DST: variants seen among roughly 807,000 people sequenced by gnomAD.
The protein encoded by DST is bullous pemphigoid antigen.
In DST, 253 loss-of-function variants were observed where a neutral mutation model predicts 875.2. That is an observed-to-expected ratio of 0.29 (90% CI 0.26 to 0.32). DST has a LOEUF of 0.32. DST is among the 10% of genes least tolerant of loss of function. DST has a pLI of 1.00. For missense variants in DST, 8,287 were observed against 9,111.6 expected, an observed-to-expected ratio of 0.91 and a Z score of 3.68; for synonymous variants, 3,124 against 3,197.1, an observed-to-expected ratio of 0.98 and a Z score of 0.77.
chr6:56,659,224 G>C (rs1478729408), intron 10 of DST, among the ~76,000 whole-genome samples: 1 of 152,182 alleles, frequency 6.6e-6, no homozygotes, highest in African/African-American at 2.4e-5. Context: ...GAGATATTGA[G>C]AAAGTCAAAT....
At position 56,606,509 on chromosome 6, in the gene DST, G is replaced by A; in HGVS notation, c.8119C>T (p.His2707Tyr). Reference sequence around the variant, plus strand: ...TTATCTGAGCCAACAGGATTTAAATGTATTTTTTCACCAGAATCTAATTCA... The same window carrying A: ...TTATCTGAGCCAACAGGATTTAAATATATTTTTTCACCAGAATCTAATTCA... ...KDELDSGEKI[H>Y]LNPVGSDKVN... The change falls in exon 40 of 104, where the codon CAT becomes TAT. Residue 2707 changes from histidine to tyrosine, a missense_variant. Coordinates refer to ENST00000680361, the MANE Select transcript of DST (RefSeq NM_001374736.1). The A allele has an allele frequency of 6.2e-7, 1 of 1,613,312 alleles. No homozygotes were observed. The highest frequency in any genetic ancestry group is 8.5e-7 in the Non-Finnish European group (1 of 1,179,504).
chr6:56,874,915 C>G (rs1778963647), intron 3 of DST, among the ~76,000 whole-genome samples: 1 of 152,210 alleles, frequency 6.6e-6, no homozygotes, highest in Admixed American at 6.5e-5. Context: ...TTCAATCGCA[C>G]ACAAACACAT....
intron 2 of DST, among the ~76,000 whole-genome samples, chr6:56,930,673 TG>T: frequency 6.6e-6 from 1 of 152,316 alleles, no homozygotes; most frequent in African/African-American, 2.4e-5. Flanking sequence ...TATCTTTATC[TG>T]AAGTGAATTG....
At chr6:56,682,325 A>T (rs188328966) in intron 9 of DST, among the ~76,000 whole-genome samples, 1 of 152,238 alleles carries the variant, frequency 6.6e-6, no homozygotes, top group East Asian at 1.9e-4. Flanking sequence ...GGCATGAGGC[A>T]CCGTACCTGG....
intron 5 of DST, among the ~76,000 whole-genome samples, chr6:56,733,667 A>G (rs1267714964): frequency 6.6e-6 from 1 of 152,212 alleles, no homozygotes; most frequent in Non-Finnish European, 1.5e-5. Flanking sequence ...TGTTTGGTGT[A>G]CATGTCACAG....
intron 2 of DST, among the ~76,000 whole-genome samples, chr6:56,941,459 G>A (rs2127787323): frequency 6.6e-6 from 1 of 152,136 alleles, no homozygotes; most frequent in South Asian, 2.1e-4. Context: ...AATGAGTCAT[G>A]TAAGTATGGT....
At chr6:56,916,942 T>C (rs1050529620) in intron 2 of DST, among the ~76,000 whole-genome samples, 1 of 128,902 alleles carries the variant, frequency 7.8e-6, no homozygotes, top group Non-Finnish European at 1.5e-5. Context: ...TGGGCCCCCA[T>C]GAAATGGATG....
intron 36 of DST, 85 bp downstream of exon 36, chr6:56,624,445 A>T (rs774212135): frequency 1.2e-6 from 1 of 848,030 alleles, no homozygotes; most frequent in East Asian, 2.4e-5. Context: ...ATCATGAAAC[A>T]TGTTTTGCTT....
chr6:56,600,352 T>C, intron 44 of DST, 131 bp from the exon 45 acceptor site: 1 of 801,612 alleles, frequency 1.2e-6, no homozygotes. Context: ...GTAAACATGA[T>C]AGCAGTAGGG....
At position 56,593,668 on chromosome 6, in the gene DST, A is replaced by C; in HGVS notation, c.12721T>G (p.Ser4241Ala). The C allele has an allele frequency of 6.4e-7, 1 of 1,560,756 alleles. No homozygotes were observed. Among genetic ancestry groups the C allele is most frequent in the Middle Eastern group, 1.7e-4 (1 of 5,796 alleles). ...AAAAATCAAAATAACATTACCTTAG[A>C]GTAGAGAGACCTGAACCGATCAGTA... ...HATDRFRSLY[S>A]KCNVLGNNLK... The change falls in exon 48 of 104, where the codon TCT becomes GCT. Residue 4241 changes from serine (S) to alanine (A), a missense_variant. Ser to Ala is a moderately conservative substitution (Grantham distance 99). This residue lies in a region of DST where 1,513 missense variants were observed against 1,677.8 expected (regional missense o/e 0.90). Coordinates refer to ENST00000680361, the MANE Select transcript of DST (RefSeq NM_001374736.1).
At chr6:56,850,865 G>A (rs1020069145) in intron 4 of DST, among the ~76,000 whole-genome samples, 1 of 152,188 alleles carries the variant, frequency 6.6e-6, no homozygotes, top group African/African-American at 2.4e-5. Context: ...AAAGCACTAA[G>A]GACAGAAAGC....
chr6:56,795,080 C>G (rs1294840659), intron 4 of DST, among the ~76,000 whole-genome samples: 1 of 151,836 alleles, frequency 6.6e-6, no homozygotes, highest in African/African-American at 2.4e-5. Flanking sequence ...AACAGATTTT[C>G]AAAAAGTAAT....
chr6:56,719,673 C>A (rs985486954), intron 5 of DST, among the ~76,000 whole-genome samples: 2 of 152,146 alleles, frequency 1.3e-5, no homozygotes, highest in African/African-American at 2.4e-5. Flanking sequence ...CACGTAGGTT[C>A]TTTTCTATTT....
chr6:56,670,295 C>G (rs2152827728), intron 10 of DST, among the ~76,000 whole-genome samples: 1 of 152,134 alleles, frequency 6.6e-6, no homozygotes, highest in Non-Finnish European at 1.5e-5. Flanking sequence ...GTCACATGAT[C>G]ACAGCTCACC....
At chr6:56,646,226 T>C (rs779754463) in intron 13 of DST, 44 bp from the exon 14 acceptor site, 1 of 1,134,944 alleles carries the variant, frequency 8.8e-7, no homozygotes, top group African/African-American at 1.6e-5. Context: ...ACTTAAAAGA[T>C]CTGTTTTCAT....
intron 4 of DST, among the ~76,000 whole-genome samples, chr6:56,786,965 G>A (rs114423231): frequency 2.6e-3 from 391 of 152,350 alleles, no homozygotes; most frequent in African/African-American, 8.9e-3. Context: ...TACATACTCT[G>A]AACCAAGGTA....
intron 2 of DST, among the ~76,000 whole-genome samples, chr6:56,940,500 C>A (rs945455903): frequency 9.3e-5 from 14 of 150,722 alleles, no homozygotes; most frequent in African/African-American, 2.4e-4. Context: ...TTATATTTTT[C>A]AAAAAAAATC....
chr6:56,943,574 A>AGG (rs1817838898), intron 2 of DST, among the ~76,000 whole-genome samples: 2 of 149,010 alleles, frequency 1.3e-5, no homozygotes, highest in African/African-American at 4.9e-5. Context: ...CTGGGATTAC[A>AGG]GGGGGCCCGC....
intron 60 of DST, among the ~76,000 whole-genome samples, chr6:56,554,516 C>T (rs73455782): frequency 0.037 from 5,699 of 152,252 alleles, 133 homozygotes; most frequent in African/African-American, 0.05. Context: ...AGCCTAATTT[C>T]TCCCACTGTA....
Sources: allele counts gnomAD v4.1 joint callset (sites outside exome capture counted in the v4.1 genomes callset), GRCh38; gene constraint gnomAD v4.1.1; regional missense constraint gnomAD v4.1.1; transcripts MANE v1.5; gene names NCBI Gene and HGNC (gene_info 2026-07-23, HGNC 2026-07-21).